The following LAMA2 variants were observed in gnomAD, a reference collection of about 807,000 sequenced individuals.
LAMA2 encodes laminin subunit alpha-2.
In LAMA2, 269 loss-of-function variants were observed where a neutral mutation model predicts 364.8. The ratio of observed to expected loss-of-function variants is 0.74; its 90% confidence interval spans 0.67 to 0.82. LAMA2 has a LOEUF of 0.82. Ranked by LOEUF, LAMA2 falls within the 40% of genes least tolerant of loss-of-function variation. The pLI is 0.00. For missense variants in LAMA2, 3,807 were observed against 3,873.2 expected (o/e 0.98, Z 0.45); for synonymous variants, 1,379 against 1,370.6 (o/e 1.01, Z -0.14).
chr6:128,890,172 G>C (rs763124931), intron 1 of LAMA2, among the ~76,000 whole-genome samples: 3 of 152,146 alleles, frequency 2.0e-5, no homozygotes, highest in Non-Finnish European at 4.4e-5. Flanking sequence ...AGATGGTTTA[G>C]ATTGGTATAA....
Position 129,507,365 on chromosome 6 carries a change from G to A in LAMA2, c.8704-124G>A, listed in dbSNP as rs113694044. On this transcript the variant is annotated intron_variant, in intron 61 of 64. Transcript: ENST00000421865. Reference sequence around the variant, plus strand: ...ACAGAGAACCCAGGCAGCTTTGGGGGATATCCCATCCTAAGACAACTGGAT... The same window carrying A: ...ACAGAGAACCCAGGCAGCTTTGGGGAATATCCCATCCTAAGACAACTGGAT... The A allele has an allele frequency of 4.0e-6, 4 of 1,005,664 alleles. No homozygotes were observed. In the African/African-American group the frequency reaches 4.7e-5, roughly 12 times the overall value. 62.3% of individuals were successfully genotyped at this position (1,005,664 alleles called of 1,614,324 possible).
At chr6:129,301,201 T>C (rs1773529877) in intron 22 of LAMA2, among the ~76,000 whole-genome samples, 1 of 152,172 alleles carries the variant, frequency 6.6e-6, no homozygotes. Context: ...GAGGAACTAA[T>C]TAATTTTCCA....
chr6:129,082,887 G>A (rs1357603326), intron 3 of LAMA2, among the ~76,000 whole-genome samples: 1 of 151,778 alleles, frequency 6.6e-6, no homozygotes, highest in African/African-American at 2.4e-5. Context: ...TTTTTCCATT[G>A]CTACTTTCCT....
chr6:129,055,085 A>G (rs1024839235), intron 2 of LAMA2, among the ~76,000 whole-genome samples: 2 of 151,152 alleles, frequency 1.3e-5, no homozygotes, highest in Admixed American at 1.3e-4. Context: ...AGCAAGGTGT[A>G]TATAAGTTAT....
intron 3 of LAMA2, among the ~76,000 whole-genome samples, chr6:129,082,970 A>G (rs1286130215): frequency 6.6e-6 from 1 of 151,982 alleles, no homozygotes; most frequent in Non-Finnish European, 1.5e-5. Flanking sequence ...ATATTTACAG[A>G]TATTTTTTCT....
At chr6:129,092,602 T>C (rs1774911320) in intron 3 of LAMA2, among the ~76,000 whole-genome samples, 1 of 152,214 alleles carries the variant, frequency 6.6e-6, no homozygotes, top group Non-Finnish European at 1.5e-5. Flanking sequence ...AGAACCTCTT[T>C]AGAAGTGAAG....
intron 3 of LAMA2, among the ~76,000 whole-genome samples, chr6:129,080,338 G>A (rs1297517506): frequency 1.3e-5 from 2 of 152,100 alleles, no homozygotes; most frequent in East Asian, 3.9e-4. Flanking sequence ...GTAACTAAAA[G>A]CATCAGGGCT....
In LAMA2 at chr6:129,340,855, GAAAA is replaced by G. The variant is rs1340760565; in HGVS notation, c.4312-1486_4312-1483del. ...CAAAAAAAAAAAAAAAAAAAAAAGA[GAAAA>G]AGAAAAGAAAAGAAAAGAAAAGACT... On this transcript the variant is annotated intron_variant, in intron 29 of 64. Transcript: ENST00000421865. Among the ~76,000 whole-genome samples the G allele has an allele frequency of 6.7e-4, 95 of 140,942 alleles. No homozygotes were observed. In the East Asian group the frequency reaches 0.013, roughly 19 times the overall value. The allele number at this position is 140,942 out of a possible 152,430, so 92.5% of individuals were successfully genotyped here. A position where few individuals can be genotyped will look rare whatever the true frequency, so the allele number is the denominator to read the frequency against.
At position 129,287,920 on chromosome 6, in the gene LAMA2, C is replaced by A; in HGVS notation, c.2611C>A (p.Leu871Ile). The A allele has an allele frequency of 6.2e-7, 1 of 1,614,102 alleles. No homozygotes were observed. The highest frequency in any genetic ancestry group is 8.5e-7 in the Non-Finnish European group (1 of 1,179,962). Residue 871 changes from leucine (L) to isoleucine (I), a missense_variant, in exon 19 of 65, where the codon CTT becomes ATT. Physicochemically the swap from Leu to Ile is conservative, Grantham distance 5. Around this residue, in one of 3 missense-constraint regions of LAMA2, gnomAD observed 3,333 missense variants for 3,345.7 expected, o/e 1.00. Transcript: ENST00000421865. The part of the protein sequence containing the change: ...SCQPCQCNDN[L>I]DFSIPGSCDS... ...TCAGCCATGCCAATGCAATGACAAC[C>A]TTGACTTCTCCATCCCTGGCAGCTG...
At position 129,149,223 on chromosome 6, in the gene LAMA2, C is replaced by T. The variant is rs181710681; in HGVS notation, c.1027+127C>T. 173 of 724,682 alleles carry T rather than the reference C, an allele frequency of 2.4e-4. 1 individual carries two copies. Among genetic ancestry groups the T allele is most frequent in the Admixed American group, 1.1e-3 (55 of 51,846 alleles). 44.9% of individuals were successfully genotyped at this position (724,682 alleles called of 1,614,324 possible). A position where few individuals can be genotyped will look rare whatever the true frequency, so the allele number is the denominator to read the frequency against. On this transcript the variant is annotated intron_variant, in intron 7 of 64. Transcript: ENST00000421865. ...CAAATACTCATTTATATTATCACTT[C>T]GAAGACAACCCATATGTCTAGCTTT...
chr6:129,357,491 T>C (rs993627398), intron 32 of LAMA2, among the ~76,000 whole-genome samples: 3 of 152,054 alleles, frequency 2.0e-5, no homozygotes, highest in African/African-American at 4.8e-5. Context: ...ATAGTCACAA[T>C]TTACTTAAAT....
intron 34 of LAMA2, among the ~76,000 whole-genome samples, chr6:129,371,139 A>T (rs903745277): frequency 2.0e-5 from 3 of 152,202 alleles, no homozygotes; most frequent in African/African-American, 7.2e-5. Flanking sequence ...GGTAGAATAA[A>T]TCAATTTAAC....
intron 10 of LAMA2, among the ~76,000 whole-genome samples, chr6:129,189,142 A>G (rs903262004): frequency 2.0e-5 from 3 of 152,042 alleles, no homozygotes; most frequent in Non-Finnish European, 2.9e-5. Flanking sequence ...GCTAGAGAGA[A>G]CAATCTTTGA....
At chr6:129,105,334 G>A (rs1376812956) in intron 4 of LAMA2, among the ~76,000 whole-genome samples, 2 of 152,156 alleles carry the variant, frequency 1.3e-5, no homozygotes, top group Non-Finnish European at 2.9e-5. Flanking sequence ...GAAAGCAGTA[G>A]CCCAGATGCT....
At chr6:129,275,769 G>T (rs541667489) in intron 17 of LAMA2, among the ~76,000 whole-genome samples, 2 of 148,334 alleles carry the variant, frequency 1.3e-5, no homozygotes, top group African/African-American at 2.5e-5. Context: ...TTAATAAGTC[G>T]TATCTATAAT....
At chr6:129,502,536 T>C in intron 58 of LAMA2, 123 bp from the exon 59 acceptor site, 1 of 718,340 alleles carries the variant, frequency 1.4e-6, no homozygotes. Flanking sequence ...ACTACAGAGA[T>C]GAATAATGTA....
chr6:129,317,773 G>A (rs1774703472), intron 27 of LAMA2, among the ~76,000 whole-genome samples: 1 of 152,148 alleles, frequency 6.6e-6, no homozygotes, highest in Admixed American at 6.6e-5. Context: ...TGCAGTAAAA[G>A]AGTTTGGTAG....
chr6:129,454,232 A>G lies in LAMA2; in HGVS notation c.6651A>G (p.Val2217=), dbSNP rs139445956. The G allele has an allele frequency of 3.7e-6, 6 of 1,612,164 alleles. No individual in the cohort carries two copies. In the African/African-American group the frequency reaches 8.0e-5, roughly 22 times the overall value. ...ATGTTGGATCTGGAGTTGGACGTGTAGAGTACCCAGATTTGACTATTGATG... is the reference window on the plus strand; with the variant it reads ...ATGTTGGATCTGGAGTTGGACGTGTGGAGTACCCAGATTTGACTATTGATG... ...LWDVGSGVGR[V]EYPDLTIDDS... is the part of the protein sequence containing the mutation. The change falls in exon 47 of 65, where the codon GTA becomes GTG. Residue 2217 remains valine, a synonymous_variant. Coordinates refer to ENST00000421865, the MANE Select transcript of LAMA2 (RefSeq NM_000426.4).
chr6:129,198,667 A>G (rs943125456), intron 12 of LAMA2, among the ~76,000 whole-genome samples: 14 of 152,224 alleles, frequency 9.2e-5, no homozygotes, highest in African/African-American at 3.4e-4. Flanking sequence ...AAAAATGGGC[A>G]TAACTGCAAT....
Sources: allele counts gnomAD v4.1 joint callset (sites outside exome capture counted in the v4.1 genomes callset), GRCh38; gene constraint gnomAD v4.1.1; regional missense constraint gnomAD v4.1.1; transcripts MANE v1.5; gene names NCBI Gene and HGNC (gene_info 2026-07-23, HGNC 2026-07-21).